The following TLK1 variants were observed in gnomAD, a reference collection of about 807,000 sequenced individuals.
TLK1 encodes the protein tousled like kinase 1.
TLK1 carries 24 observed loss-of-function variants against 105.3 expected under a neutral mutation model. The ratio of observed to expected loss-of-function variants is 0.23; its 90% confidence interval spans 0.17 to 0.32. TLK1 has a LOEUF of 0.32. Among genes scored for constraint, TLK1 ranks in the 10% least tolerant of loss-of-function variants. TLK1 has a pLI of 1.00. For missense variants in TLK1, 558 were observed against 910.5 expected (o/e 0.61, Z 4.98); for synonymous variants, 321 against 310.4 (o/e 1.03, Z -0.36).
chr2:171,180,427 T>C (rs1173136043), intron 1 of TLK1, among the ~76,000 whole-genome samples: 1 of 152,186 alleles, frequency 6.6e-6, no homozygotes, highest in Non-Finnish European at 1.5e-5. Context: ...CCAATTGTTT[T>C]CTCCTTATGA....
At chr2:171,095,197 A>G (rs772635483) in intron 2 of TLK1, among the ~76,000 whole-genome samples, 5 of 152,174 alleles carry the variant, frequency 3.3e-5, no homozygotes. Flanking sequence ...ATCATAACCC[A>G]ACCGTCCACC....
intron 1 of TLK1, among the ~76,000 whole-genome samples, chr2:171,192,662 A>G (rs1444133043): frequency 6.6e-6 from 1 of 152,160 alleles, no homozygotes; most frequent in African/African-American, 2.4e-5. Context: ...CCTGGGTGAC[A>G]GAGTGAGACT....
In TLK1 at chr2:171,189,947, AAG is replaced by A. The variant is rs199746258; in HGVS notation, c.-6+41196_-6+41197del. ...GAGACCCTGTCTCAAAAGAAAAGAA[AAG>A]AAAAAAGGGCAGAAGGCATGTGCCA... is the stretch of plus-strand genomic sequence containing the variant. On this transcript the variant is annotated intron_variant, in intron 1 of 20. Coordinates refer to the TLK1 transcript ENST00000521943. Among the ~76,000 whole-genome samples, 563 of 149,870 alleles carry A rather than the reference AAG, an allele frequency of 3.8e-3. 5 individuals carry two copies. Among genetic ancestry groups the A allele is most frequent in the African/African-American group, 0.014 (547 of 40,158 alleles).
At chr2:171,023,847 A>G (rs1040424044) in intron 12 of TLK1, among the ~76,000 whole-genome samples, 4 of 152,224 alleles carry the variant, frequency 2.6e-5, no homozygotes, top group African/African-American at 9.6e-5. Context: ...TAAAGATCTG[A>G]CTATATAATC....
rs901331300 is a variant in TLK1, at chr2:170,991,682, C to T, written c.*2098G>A. ...TGATCTCTAGGTCTATACTACTTAACTTACTGAACCTCAAAGTTAGATTTA... is the reference window on the plus strand; with the variant it reads ...TGATCTCTAGGTCTATACTACTTAATTTACTGAACCTCAAAGTTAGATTTA... On this transcript the variant is annotated 3_prime_UTR_variant, in exon 21 of 21. Transcript: ENST00000431350. The T allele has an allele frequency of 3.9e-5, 6 of 152,196 alleles. No homozygotes were observed. The South Asian group carries it at 1.2e-3, about 32-fold the overall frequency. The allele number at this position is 152,196 out of a possible 1,614,324, so 9.4% of individuals were successfully genotyped here.
intron 1 of TLK1, among the ~76,000 whole-genome samples, chr2:171,120,154 C>T (rs1310573516): frequency 6.9e-6 from 1 of 144,360 alleles, no homozygotes; most frequent in Non-Finnish European, 1.5e-5. Context: ...GAGGCTGAGG[C>T]AAGAGAATCA....
intron 1 of TLK1, among the ~76,000 whole-genome samples, chr2:171,226,443 G>A (rs894890001): frequency 6.6e-6 from 1 of 152,052 alleles, no homozygotes; most frequent in Non-Finnish European, 1.5e-5. Flanking sequence ...CAAAACAGAG[G>A]CTGAAAACCC....
At chr2:171,012,844 T>G (rs1684985751) in intron 13 of TLK1, among the ~76,000 whole-genome samples, 1 of 152,178 alleles carries the variant, frequency 6.6e-6, no homozygotes, top group South Asian at 2.1e-4. Flanking sequence ...TTAAGCTTTT[T>G]CTTGAGAAAC....
chr2:171,065,540 T>A (rs932275765), intron 3 of TLK1, among the ~76,000 whole-genome samples: 1 of 55,640 alleles, frequency 1.8e-5, no homozygotes, highest in Non-Finnish European at 3.5e-5. Context: ...GGCTATTCTT[T>A]CTTTTTTTTT....
intron 6 of TLK1, 43 bp downstream of exon 6, chr2:171,056,427 AC>A: frequency 6.6e-7 from 1 of 1,523,636 alleles, no homozygotes; most frequent in Non-Finnish European, 9.1e-7. Context: ...AGTGTACATA[AC>A]CCTCCCAAAG....
intron 1 of TLK1, among the ~76,000 whole-genome samples, chr2:171,220,719 G>T (rs1284963489): frequency 5.5e-5 from 8 of 144,860 alleles, no homozygotes; most frequent in East Asian, 2.0e-4. Context: ...GATAGTGTTT[G>T]TTTTTTTTTT....
At chr2:171,124,261 C>T (rs139785300) in intron 1 of TLK1, among the ~76,000 whole-genome samples, 23 of 152,272 alleles carry the variant, frequency 1.5e-4, no homozygotes, top group Middle Eastern at 3.4e-3. Context: ...ATATCAGTTG[C>T]CACTGAAATG....
chr2:171,013,043 T>C lies in TLK1; in HGVS notation c.1335-1589A>G, dbSNP rs368972678. 3.3e-5 allele frequency among the ~76,000 whole-genome samples: 5 copies of C among 152,146 alleles called. No individual in the cohort carries two copies. The East Asian group carries it at 7.7e-4, about 24-fold the overall frequency. ...TTTTTTTGGAGACAGAGTCTCACTT[T>C]TTTTTAAGACAGTCTTGCTCTGTTG... On this transcript the variant is annotated intron_variant, in intron 13 of 20. Transcript: ENST00000431350.
At chr2:171,124,153 A>G (rs1690775530) in intron 1 of TLK1, among the ~76,000 whole-genome samples, 1 of 152,262 alleles carries the variant, frequency 6.6e-6, no homozygotes, top group Admixed American at 6.5e-5. Context: ...GTTTGAGACT[A>G]GAAAATACGT....
chr2:171,060,044 G>A, intron 4 of TLK1: 1 of 1,602,638 alleles, frequency 6.2e-7, no homozygotes, highest in South Asian at 1.1e-5. Context: ...TACTCCAAAG[G>A]AAGGGGGGAA....
intron 2 of TLK1, among the ~76,000 whole-genome samples, chr2:171,099,495 T>C (rs893994702): frequency 2.0e-5 from 3 of 152,128 alleles, no homozygotes; most frequent in South Asian, 2.1e-4. Context: ...TTTGTTGAAA[T>C]TGACAAATTG....
intron 2 of TLK1, among the ~76,000 whole-genome samples, chr2:171,107,468 G>C (rs1334251492): frequency 6.6e-6 from 1 of 152,116 alleles, no homozygotes; most frequent in Non-Finnish European, 1.5e-5. Flanking sequence ...TGAGTGTTCT[G>C]ATTCTACATT....
intron 13 of TLK1, among the ~76,000 whole-genome samples, chr2:171,013,356 C>T (rs1685020977): frequency 9.3e-6 from 1 of 107,088 alleles, no homozygotes; most frequent in South Asian, 3.1e-4. Context: ...GAGACAAAGT[C>T]TCACTTTGTC....
chr2:171,024,873 T>C (rs959374710), intron 12 of TLK1, among the ~76,000 whole-genome samples: 1 of 152,202 alleles, frequency 6.6e-6, no homozygotes, highest in Non-Finnish European at 1.5e-5. Flanking sequence ...AATAAGTCAC[T>C]TAATAAATGG....
Sources: allele counts gnomAD v4.1 joint callset (sites outside exome capture counted in the v4.1 genomes callset), GRCh38; gene constraint gnomAD v4.1.1; transcripts MANE v1.5; gene names NCBI Gene and HGNC (gene_info 2026-07-23, HGNC 2026-07-21).